Variants in GBA2 observed in about 807,000 individuals in gnomAD.
GBA2 encodes non-lysosomal glucosylceramidase.
A neutral mutation model predicts 112.9 loss-of-function variants in GBA2; 79 were observed. The observed-to-expected ratio is 0.70, with a 90% CI of 0.58 to 0.84. The LOEUF is 0.84. Ranked by LOEUF, GBA2 falls within the 40% of genes least tolerant of loss-of-function variation. The pLI is 0.00. For missense variants in GBA2, 1,043 were observed against 1,190.0 expected, an observed-to-expected ratio of 0.88 and a Z score of 1.82; for synonymous variants, 403 against 434.3, an observed-to-expected ratio of 0.93 and a Z score of 0.90.
chr9:35,740,621 G>A lies in GBA2; in HGVS notation c.1034C>T (p.Thr345Ile), dbSNP rs1176220861. 5 of 1,612,924 alleles carry A rather than the reference G, an allele frequency of 3.1e-6. No individual in the cohort carries two copies. Among genetic ancestry groups the A allele is most frequent in the Non-Finnish European group, 4.2e-6 (5 of 1,179,006 alleles). ...MAVAARVTAA[T>I]TVTHITAFDP... The stretch of plus-strand genomic sequence containing the variant: ...AAAGGCTGTGATGTGGGTTACCGTG[G>A]TAGCTGCCTGTGAAGGGGTCAGGGA... Residue 345 changes from threonine to isoleucine, a missense_variant, in exon 6 of 17, where the codon ACC becomes ATC. Transcript: ENST00000378103. The surrounding 1 kb of genome is among the most constrained non-coding windows in gnomAD (Gnocchi z 4.7).
rs758032839 is a variant in GBA2 at position 35,741,917 on chromosome 9, G to C, written c.568-27C>G. On this transcript the variant is annotated intron_variant, in intron 3 of 16. Transcript: ENST00000378103. The surrounding 1 kb of genome is among the most constrained non-coding windows in gnomAD (Gnocchi z 4.6). ...TTAAGAGGGCAGATAGGCTGGAACG[G>C]GGTAAACCACAGGGACCACAGACTA... is the stretch of plus-strand genomic sequence containing the variant. 6.5e-7 allele frequency: 1 copy of C among 1,528,594 alleles called. No homozygotes were observed. Among genetic ancestry groups the C allele is most frequent in the Non-Finnish European group, 9.1e-7 (1 of 1,103,614 alleles). The allele number at this position is 1,528,594 out of a possible 1,614,324, so 94.7% of individuals were successfully genotyped here.
intron 13 of GBA2, 61 bp from the exon 14 acceptor site, chr9:35,738,435 A>G: frequency 6.3e-7 from 1 of 1,596,984 alleles, no homozygotes. Context: ...CATGCCGTGT[A>G]ATAGACAATG....
rs1826451701 is a variant in GBA2, at chr9:35,739,025, A to G, written c.1772T>C (p.Ile591Thr). 1.2e-6 allele frequency: 2 copies of G among 1,613,198 alleles called. No homozygotes were observed. Among genetic ancestry groups the G allele is most frequent in the African/African-American group, 1.3e-5 (1 of 74,844 alleles). The change falls in exon 11 of 17, where the codon ATC becomes ACC. Residue 591 changes from isoleucine to threonine, a missense_variant. Ile to Thr is a moderately conservative substitution (Grantham distance 89, BLOSUM62 -1). Transcript: ENST00000378103. Reference protein sequence around the residue: ...VMAPVKRRNVIPHDIGDPDDE... With the variant: ...VMAPVKRRNVTPHDIGDPDDE... The stretch of plus-strand genomic sequence containing the variant: ...ACCTGGGTCCCCAATATCATGGGGG[A>G]TGACGTTCCTCCTTTTCACAGGTGC...
At position 35,741,435 on chromosome 9, in the gene GBA2, C is replaced by G; in HGVS notation, c.786+237G>C. The stretch of plus-strand genomic sequence containing the variant: ...TCAGCCTCCCGAGTAGCTGGGACTA[C>G]AGGTGCCTGCCACAACGCCCAGCTA... On this transcript the variant is annotated intron_variant, in intron 4 of 16. Transcript: ENST00000378103. The surrounding 1 kb of genome is among the most constrained non-coding windows in gnomAD (Gnocchi z 4.6). 1.8e-6 allele frequency: 1 copy of G among 543,860 alleles called. No homozygotes were observed. Among genetic ancestry groups the G allele is most frequent in the Non-Finnish European group, 3.3e-6 (1 of 302,880 alleles). 33.7% of individuals were successfully genotyped at this position (543,860 alleles called of 1,614,324 possible).
Position 35,737,298 on chromosome 9 carries a change from G to C in GBA2, c.2655C>G (p.Ala885=), listed in dbSNP as rs1288100447. The C allele has an allele frequency of 6.2e-7, 1 of 1,613,970 alleles. No individual in the cohort carries two copies. The highest frequency in any genetic ancestry group is 1.7e-5 in the Admixed American group (1 of 60,034). Residue 885 remains alanine (A), a synonymous_variant, in exon 17 of 17, where the codon GCC becomes GCG. Transcript: ENST00000378103. The surrounding 1 kb of genome is among the most constrained non-coding windows in gnomAD (Gnocchi z 4.1). The stretch of plus-strand genomic sequence containing the variant: ...GCTGCTGTTGCAGGGCTAGCTGCAT[G>C]GCCCATATGCTCAGTGGCCGCATGT... ...LAYMRPLSIW[A]MQLALQQQQH... is the part of the protein sequence containing the mutation.
chr9:35,740,673 C>G lies in GBA2; in HGVS notation c.1027-45G>C, dbSNP rs1250722565. On this transcript the variant is annotated intron_variant, in intron 5 of 16. Transcript: ENST00000378103. The surrounding 1 kb of genome is among the most constrained non-coding windows in gnomAD (Gnocchi z 4.7). The stretch of plus-strand genomic sequence containing the variant: ...TGTGAGGGCAGGCTCCACGAGTACA[C>G]TGGGTCCCGGCTAGCTCCCCAGCTC... The G allele has an allele frequency of 1.3e-6, 2 of 1,543,304 alleles. No individual in the cohort carries two copies. The highest frequency in any genetic ancestry group is 2.7e-5 in the African/African-American group (2 of 73,484).
Position 35,740,033 on chromosome 9 carries a change from C to T in GBA2, c.1374G>A (p.Arg458=). Reference sequence around the variant, plus strand: ...ATACCGGGCTCTGCCAAGCTGAGATCCTCTCTTCCCACTCTGCGTATCGGC... The same window carrying T: ...ATACCGGGCTCTGCCAAGCTGAGATTCTCTCTTCCCACTCTGCGTATCGGC... ...ALCRYAEWEE[R]ISAWQSPVLD... The change falls in exon 8 of 17, where the codon AGG becomes AGA. Residue 458 remains arginine (R), a synonymous_variant. Transcript: ENST00000378103. This position sits in a 1 kb window ranked among gnomAD's most constrained non-coding sequence, Gnocchi z 4.7. 2 of 1,614,122 alleles carry T rather than the reference C, an allele frequency of 1.2e-6. No homozygotes were observed. Among genetic ancestry groups the T allele is most frequent in the South Asian group, 2.2e-5 (2 of 91,078 alleles).
chr9:35,736,972 G>A lies in GBA2; in HGVS notation c.*197C>T, dbSNP rs560639241. 2 of 880,334 alleles carry A rather than the reference G, an allele frequency of 2.3e-6. No homozygotes were observed. Among genetic ancestry groups the A allele is most frequent in the East Asian group, 2.7e-5 (1 of 37,686 alleles). 54.5% of individuals were successfully genotyped at this position (880,334 alleles called of 1,614,324 possible). On this transcript the variant is annotated 3_prime_UTR_variant, in exon 17 of 17. Coordinates refer to ENST00000378103, the MANE Select transcript of GBA2 (RefSeq NM_020944.3). ...CATTTCACGCAGTCAGGGAACAGGT[G>A]AGGAAAGAAATAAATAAGTGATTCT...
chr9:35,740,643 G>C lies in GBA2; in HGVS notation c.1027-15C>G, dbSNP rs767200871. 10 of 1,589,416 alleles carry C rather than the reference G, an allele frequency of 6.3e-6. No individual in the cohort carries two copies. Among genetic ancestry groups the C allele is most frequent in the Non-Finnish European group, 7.8e-6 (9 of 1,157,716 alleles). On this transcript the variant is annotated splice_polypyrimidine_tract_variant and intron_variant, in intron 5 of 16. Coordinates refer to ENST00000378103, the MANE Select transcript of GBA2 (RefSeq NM_020944.3). This position sits in a 1 kb window ranked among gnomAD's most constrained non-coding sequence, Gnocchi z 4.7. ...GTGGTAGCTGCCTGTGAAGGGGTCAGGGACTGTGAGGGCAGGCTCCACGAG... is the reference window on the plus strand; with the variant it reads ...GTGGTAGCTGCCTGTGAAGGGGTCACGGACTGTGAGGGCAGGCTCCACGAG...
Position 35,740,910 on chromosome 9 carries a change from CG to C in GBA2, c.940del (p.Arg314ValfsTer34). 6.2e-7 allele frequency: 1 copy of C among 1,614,032 alleles called. No homozygotes were observed. Among genetic ancestry groups the C allele is most frequent in the South Asian group, 1.1e-5 (1 of 91,084 alleles). On this transcript the variant is annotated frameshift_variant, in exon 5 of 17. Coordinates refer to ENST00000378103, the MANE Select transcript of GBA2 (RefSeq NM_020944.3). LOFTEE classifies it high-confidence loss of function. The surrounding 1 kb of genome is among the most constrained non-coding windows in gnomAD (Gnocchi z 4.7). ...CAGCCCCCGGACAGTTTCCCCGCTA[CG>C]CTCCAGACAGAAGGGCTCATTCCAC... ...GLWNEPFCLE[R>X]SGETVRGLLL...
chr9:35,748,231 C>A, intron 1 of GBA2, 115 bp downstream of exon 1: 1 of 681,448 alleles, frequency 1.5e-6, no homozygotes, highest in South Asian at 1.9e-5. Context: ...GGATAGGGAC[C>A]GCTTCACTCA....
At chr9:35,742,831 C>G (rs1240986694) in intron 3 of GBA2, among the ~76,000 whole-genome samples, 1 of 152,192 alleles carries the variant, frequency 6.6e-6, no homozygotes, top group Non-Finnish European at 1.5e-5. Context: ...ATATCCCTTT[C>G]CCTGGTTCAA....
Position 35,741,207 on chromosome 9 carries a change from A to G in GBA2, c.787-143T>C. ...CTTTTGTCCACTTGCATCTCCCCAT[A>G]TTCCCAGGCAAGCTGCCTAGCAGGG... On this transcript the variant is annotated intron_variant, in intron 4 of 16. Transcript: ENST00000378103. The surrounding 1 kb of genome is among the most constrained non-coding windows in gnomAD (Gnocchi z 4.6). The G allele has an allele frequency of 2.3e-6, 2 of 860,570 alleles. No homozygotes were observed. The highest frequency in any genetic ancestry group is 3.5e-6 in the Non-Finnish European group (2 of 566,030). The allele number at this position is 860,570 out of a possible 1,614,324, so 53.3% of individuals were successfully genotyped here.
In GBA2 at chr9:35,738,271, T is replaced by G. The variant is rs146034295; in HGVS notation, c.2158A>C (p.Ser720Arg). ...DIQDKFSSIL[S>R]RGQEAYERLL... The stretch of plus-strand genomic sequence containing the variant: ...CTCTCATAGGCTTCTTGGCCCCGGC[T>G]GAGGATAGAAGAAAACTTATCCTGG... Residue 720 changes from serine to arginine, a missense_variant, in exon 14 of 17, where the codon AGC becomes CGC. Physicochemically the swap from Ser to Arg is moderately radical, Grantham distance 110. Transcript: ENST00000378103. 8 of 1,614,174 alleles carry G rather than the reference T, an allele frequency of 5.0e-6. No homozygotes were observed. The African/African-American group carries it at 9.3e-5, about 19-fold the overall frequency.
chr9:35,737,861 T>A lies in GBA2; in HGVS notation c.2392A>T (p.Met798Leu). 6.2e-7 allele frequency: 1 copy of A among 1,613,706 alleles called. No homozygotes were observed. Among genetic ancestry groups the A allele is most frequent in the Non-Finnish European group, 8.5e-7 (1 of 1,179,848 alleles). The change falls in exon 16 of 17, where the codon ATG becomes TTG. Residue 798 changes from methionine to leucine, a missense_variant. By Grantham distance (15) the Met-to-Leu change is conservative (BLOSUM62 2). Coordinates refer to ENST00000378103, the MANE Select transcript of GBA2 (RefSeq NM_020944.3). This position sits in a 1 kb window ranked among gnomAD's most constrained non-coding sequence, Gnocchi z 4.1. ...LNVQAFAGGAMGAVNGMQPHG... is the reference protein window; with the variant it reads ...LNVQAFAGGALGAVNGMQPHG... Reference sequence around the variant, plus strand: ...GGCTGCATCCCATTCACAGCCCCCATGGCCCCTCCTGCAAAGGCCTGGACG... The same window carrying A: ...GGCTGCATCCCATTCACAGCCCCCAAGGCCCCTCCTGCAAAGGCCTGGACG...
Position 35,741,050 on chromosome 9 carries a change from A to T in GBA2, c.801T>A (p.Pro267=), listed in dbSNP as rs749462269. 20 of 1,613,986 alleles carry T rather than the reference A, an allele frequency of 1.2e-5. No homozygotes were observed. Among genetic ancestry groups the T allele is most frequent in the Non-Finnish European group, 1.5e-5 (18 of 1,180,008 alleles). ...CCACATCCCACACAAAGACTCCTAC[A>T]GGCAGGCTGCTGTCCTGGGGGCAGA... ...LPHDYQDSSL[P]VGVFVWDVEN... Residue 267 remains proline, a synonymous_variant, in exon 5 of 17, where the codon CCT becomes CCA. Coordinates refer to ENST00000378103, the MANE Select transcript of GBA2 (RefSeq NM_020944.3). The surrounding 1 kb of genome is among the most constrained non-coding windows in gnomAD (Gnocchi z 4.6).
Position 35,738,145 on chromosome 9 carries a change from A to G in GBA2, c.2205T>C (p.Tyr735=). The change falls in exon 15 of 17, where the codon TAT becomes TAC. Residue 735 remains tyrosine, a synonymous_variant. Coordinates refer to ENST00000378103, the MANE Select transcript of GBA2 (RefSeq NM_020944.3). ...AYERLLWNGR[Y]YNYDSSSRPQ... ...GCCGAGAGCTGCTGTCATAGTTGTA[A>G]TAGCGGCCTGGAGTCGAGGAAGAGA... is the stretch of plus-strand genomic sequence containing the variant. 6.2e-7 allele frequency: 1 copy of G among 1,613,902 alleles called. No homozygotes were observed. Among genetic ancestry groups the G allele is most frequent in the Non-Finnish European group, 8.5e-7 (1 of 1,179,752 alleles).
Position 35,740,148 on chromosome 9 carries a change from A to G in GBA2, c.1284-25T>C. 2 of 1,614,072 alleles carry G rather than the reference A, an allele frequency of 1.2e-6. No homozygotes were observed. Among genetic ancestry groups the G allele is most frequent in the East Asian group, 2.2e-5 (1 of 44,872 alleles). ...CCTGGGGTGGGAAGGGGAAGGATGAACACAAGCCCCAGGTCAGAGCCCCAG... is the reference window on the plus strand; with the variant it reads ...CCTGGGGTGGGAAGGGGAAGGATGAGCACAAGCCCCAGGTCAGAGCCCCAG... On this transcript the variant is annotated intron_variant, in intron 7 of 16. Coordinates refer to ENST00000378103, the MANE Select transcript of GBA2 (RefSeq NM_020944.3). This position sits in a 1 kb window ranked among gnomAD's most constrained non-coding sequence, Gnocchi z 4.7.
rs201258683 is a variant in GBA2 at position 35,737,719 on chromosome 9, G to A, written c.2505+29C>T. Reference sequence around the variant, plus strand: ...AGTTTTCTGGGCCAGGATACAGATGGTGGAGAGATGGGAAAAGGAGTGCAT... The same window carrying A: ...AGTTTTCTGGGCCAGGATACAGATGATGGAGAGATGGGAAAAGGAGTGCAT... On this transcript the variant is annotated intron_variant, in intron 16 of 16. Coordinates refer to ENST00000378103, the MANE Select transcript of GBA2 (RefSeq NM_020944.3). This position sits in a 1 kb window ranked among gnomAD's most constrained non-coding sequence, Gnocchi z 4.1. 424 of 1,611,290 alleles carry A rather than the reference G, an allele frequency of 2.6e-4. 1 individual carries two copies. The Middle Eastern group carries it at 3.1e-3, about 12-fold the overall frequency.
Sources: gnomAD v4.1 joint callset for allele counts (sites outside exome capture counted in the v4.1 genomes callset) on GRCh38, gnomAD v4.1.1 for gene constraint, Gnocchi (gnomAD v3.1) non-coding constraint, MANE v1.5 for transcripts, NCBI Gene and HGNC (gene_info 2026-07-23, HGNC 2026-07-21) for gene names.